GALNT13: variants seen among roughly 807,000 people sequenced by gnomAD.
GALNT13 encodes the protein UDP-GalNAc:polypeptide N-acetylgalactosaminyltransferase 13.
A neutral mutation model predicts 64.2 loss-of-function variants in GALNT13; 28 were observed. The observed-to-expected ratio is 0.44, with a 90% CI of 0.32 to 0.60. The LOEUF (loss-of-function observed/expected upper bound fraction) is 0.60, where lower values mean the gene tolerates loss of function less well. Among genes scored for constraint, GALNT13 ranks in the 20% least tolerant of loss-of-function variants. The pLI, the probability that GALNT13 is intolerant of heterozygous loss-of-function variation, is 0.05. For missense variants in GALNT13, 577 were observed against 669.8 expected (o/e 0.86, Z 1.53); for synonymous variants, 214 against 224.6 (o/e 0.95, Z 0.42).
the GALNT13 span, among the ~76,000 whole-genome samples, chr2:153,635,441 C>CATATATATGTATATATATATATAT: frequency 9.4e-4 from 122 of 129,776 alleles, no homozygotes; most frequent in East Asian, 1.7e-3. Flanking sequence ...TATATATATA[C>CATATATATGTATATATATATATAT]ACACATATAT....
chr2:153,495,868 C>T, the GALNT13 span, among the ~76,000 whole-genome samples: 1 of 152,136 alleles, frequency 6.6e-6, no homozygotes, highest in Non-Finnish European at 1.5e-5. Context: ...GGAGTAATGA[C>T]CTTCCATTGA....
chr2:153,861,961 G>C, the GALNT13 span, among the ~76,000 whole-genome samples: 1 of 152,128 alleles, frequency 6.6e-6, no homozygotes, highest in Admixed American at 6.5e-5. Context: ...GGCTCACGTG[G>C]TTTGCAGACT....
At chr2:153,955,632 G>A (rs964182477) in intron 3 of GALNT13, among the ~76,000 whole-genome samples, 1 of 152,196 alleles carries the variant, frequency 6.6e-6, no homozygotes, top group African/African-American at 2.4e-5. Flanking sequence ...TCTAAAAAAA[G>A]TGTGGATTTG....
intron 8 of GALNT13, among the ~76,000 whole-genome samples, chr2:154,297,064 T>A (rs1574039697): frequency 6.6e-6 from 1 of 152,218 alleles, no homozygotes; most frequent in Non-Finnish European, 1.5e-5. Context: ...AAGGCCAGTA[T>A]CACCAGTGTT....
the GALNT13 span, among the ~76,000 whole-genome samples, chr2:153,195,500 T>A: frequency 6.6e-6 from 1 of 152,200 alleles, no homozygotes; most frequent in Non-Finnish European, 1.5e-5. Context: ...AGGCTGTGGC[T>A]GTACCAGGCA....
the GALNT13 span, among the ~76,000 whole-genome samples, chr2:153,683,024 G>C: frequency 6.6e-6 from 1 of 151,428 alleles, no homozygotes; most frequent in Non-Finnish European, 1.5e-5. Flanking sequence ...TGAATGATTA[G>C]GAAAAAAAAG....
At chr2:153,692,755 AT>A in the GALNT13 span, among the ~76,000 whole-genome samples, 34 of 152,136 alleles carry the variant, frequency 2.2e-4, no homozygotes, top group African/African-American at 8.2e-4. Context: ...GTCATTCCAC[AT>A]ATATTGAGGG....
At chr2:154,100,232 A>G (rs573086775) in intron 3 of GALNT13, among the ~76,000 whole-genome samples, 19 of 152,120 alleles carry the variant, frequency 1.2e-4, no homozygotes, top group African/African-American at 4.1e-4. Flanking sequence ...TTGTTTTCCC[A>G]ACTTCTGTGA....
intron 3 of GALNT13, among the ~76,000 whole-genome samples, chr2:154,139,067 C>T (rs1683110843): frequency 6.6e-6 from 1 of 151,846 alleles, no homozygotes; most frequent in South Asian, 2.1e-4. Context: ...GATTTCAAGG[C>T]CAATCACTTT....
chr2:153,417,905 C>T, the GALNT13 span, among the ~76,000 whole-genome samples: 326 of 152,018 alleles, frequency 2.1e-3, 1 homozygote, highest in African/African-American at 7.5e-3. Context: ...ACAGTTAACA[C>T]GAGGAATAAG....
chr2:153,191,703 G>T, the GALNT13 span, among the ~76,000 whole-genome samples: 3 of 146,004 alleles, frequency 2.1e-5, no homozygotes, highest in East Asian at 5.8e-4. Flanking sequence ...GGGCTTGAAA[G>T]ACTTTTTTTT....
chr2:153,255,149 G>T, the GALNT13 span, among the ~76,000 whole-genome samples: 1 of 151,220 alleles, frequency 6.6e-6, no homozygotes, highest in Non-Finnish European at 1.5e-5. Context: ...GAATCTGGGT[G>T]CTCCTGTATT....
chr2:153,604,480 T>A, the GALNT13 span, among the ~76,000 whole-genome samples: 2 of 152,204 alleles, frequency 1.3e-5, no homozygotes, highest in East Asian at 3.9e-4. Flanking sequence ...CCTCAGTTAT[T>A]TGGCTTTTGA....
intron 3 of GALNT13, among the ~76,000 whole-genome samples, chr2:154,025,736 G>A (rs1393734876): frequency 6.6e-6 from 1 of 152,114 alleles, no homozygotes; most frequent in Non-Finnish European, 1.5e-5. Context: ...AGGAAGATGT[G>A]TGTCTTGAGG....
chr2:153,316,091 G>A, the GALNT13 span, among the ~76,000 whole-genome samples: 2 of 151,560 alleles, frequency 1.3e-5, no homozygotes, highest in Admixed American at 1.3e-4. Flanking sequence ...CCACGGAGTA[G>A]TGTAAAACAA....
chr2:154,276,421 A>G (rs1196662921), intron 8 of GALNT13, among the ~76,000 whole-genome samples: 1 of 151,924 alleles, frequency 6.6e-6, no homozygotes, highest in Non-Finnish European at 1.5e-5. Flanking sequence ...AAAATGCAAC[A>G]TCTGCATCTT....
the GALNT13 span, among the ~76,000 whole-genome samples, chr2:153,660,527 A>G: frequency 6.6e-6 from 1 of 150,594 alleles, no homozygotes; most frequent in Admixed American, 6.6e-5. Context: ...GGGGAGCAAT[A>G]GGATTGGAGG....
chr2:153,850,215 A>G, the GALNT13 span, among the ~76,000 whole-genome samples: 3 of 151,762 alleles, frequency 2.0e-5, no homozygotes, highest in South Asian at 6.2e-4. Context: ...AAAGAAAAGG[A>G]AAGAAATGAA....
At chr2:153,934,424 G>C (rs1035325407) in intron 2 of GALNT13, among the ~76,000 whole-genome samples, 2 of 152,124 alleles carry the variant, frequency 1.3e-5, no homozygotes, top group African/African-American at 4.8e-5. Flanking sequence ...TCTGGAATTT[G>C]ATTTTACCTC....
Sources: allele counts gnomAD v4.1 joint callset (sites outside exome capture counted in the v4.1 genomes callset), GRCh38; gene constraint gnomAD v4.1.1; transcripts MANE v1.5; gene names NCBI Gene and HGNC (gene_info 2026-07-23, HGNC 2026-07-21).